GALNT17: variants seen among roughly 807,000 people sequenced by gnomAD.
The protein encoded by GALNT17 is UDP-GalNAc:polypeptide N-acetylgalactosaminyltransferase-like 3.
GALNT17 carries 29 observed loss-of-function variants against 63.7 expected under a neutral mutation model. The ratio of observed to expected loss-of-function variants is 0.46; its 90% CI spans 0.34 to 0.62. GALNT17 has a LOEUF of 0.62. Ranked by LOEUF, GALNT17 falls within the 20% of genes least tolerant of loss-of-function variation. The pLI is 0.01. For synonymous variants in GALNT17, 305 were observed against 318.3 expected (o/e 0.96, Z 0.45); for missense variants, 603 against 799.6 (o/e 0.75, Z 2.97).
intron 5 of GALNT17, among the ~76,000 whole-genome samples, chr7:71,443,232 T>C (rs955482289): frequency 1.3e-5 from 2 of 152,184 alleles, no homozygotes; most frequent in Admixed American, 6.5e-5. Context: ...GTTCTTTGCC[T>C]CCTGCCCCAT....
chr7:71,587,971 T>G (rs1168780142), intron 6 of GALNT17, among the ~76,000 whole-genome samples: 1 of 152,214 alleles, frequency 6.6e-6, no homozygotes, highest in Non-Finnish European at 1.5e-5. Flanking sequence ...CTGTCCTGTC[T>G]TGTTATTTAC....
intron 2 of GALNT17, among the ~76,000 whole-genome samples, chr7:71,344,479 G>T (rs1792056325): frequency 6.6e-6 from 1 of 152,122 alleles, no homozygotes; most frequent in Admixed American, 6.5e-5. Context: ...TCATGTTCTA[G>T]CCCTGGGTGG....
At chr7:71,572,143 G>A (rs890616042) in intron 6 of GALNT17, among the ~76,000 whole-genome samples, 2 of 151,708 alleles carry the variant, frequency 1.3e-5, no homozygotes, top group African/African-American at 4.8e-5. Context: ...TTGGGAAGCC[G>A]AGTCAGGAGG....
intron 5 of GALNT17, among the ~76,000 whole-genome samples, chr7:71,455,280 G>A (rs1308895211): frequency 6.6e-6 from 1 of 152,042 alleles, no homozygotes; most frequent in Non-Finnish European, 1.5e-5. Context: ...TGAAAGGGCT[G>A]GTTTCTGTTT....
At chr7:71,690,710 G>A (rs73354177) in intron 9 of GALNT17, among the ~76,000 whole-genome samples, 11,895 of 152,242 alleles carry the variant, frequency 0.078, 1,225 homozygotes, top group East Asian at 0.52. Flanking sequence ...TGTGGAAGAA[G>A]TGGATTCCAA....
At chr7:71,542,610 C>T (rs1187898329) in intron 5 of GALNT17, among the ~76,000 whole-genome samples, 2 of 150,118 alleles carry the variant, frequency 1.3e-5, no homozygotes, top group Non-Finnish European at 2.9e-5. Flanking sequence ...ACAGGAGAAT[C>T]GCTTGAACCG....
intron 1 of GALNT17, among the ~76,000 whole-genome samples, chr7:71,187,067 C>T (rs1289803766): frequency 2.0e-5 from 3 of 152,128 alleles, no homozygotes; most frequent in African/African-American, 7.2e-5. Flanking sequence ...TGAGAAGGCA[C>T]TCAAACTGCA....
intron 1 of GALNT17, among the ~76,000 whole-genome samples, chr7:71,174,211 C>T (rs1788595625): frequency 6.6e-6 from 1 of 152,164 alleles, no homozygotes; most frequent in Non-Finnish European, 1.5e-5. Flanking sequence ...CCTGGCAGAT[C>T]TCCAGGGTCA....
intron 5 of GALNT17, among the ~76,000 whole-genome samples, chr7:71,479,879 T>C (rs962134255): frequency 7.2e-5 from 11 of 152,230 alleles, no homozygotes; most frequent in Non-Finnish European, 2.9e-5. Flanking sequence ...GTGCTATTCC[T>C]GTGAAATGGT....
At chr7:71,351,900 T>C (rs1159080268) in intron 2 of GALNT17, among the ~76,000 whole-genome samples, 11 of 152,266 alleles carry the variant, frequency 7.2e-5, no homozygotes, top group African/African-American at 2.6e-4. Context: ...TCATTCTGAA[T>C]GATGTTTGGA....
Position 71,712,230 on chromosome 7 carries a change from G to T in GALNT17, c.*84G>T. The stretch of plus-strand genomic sequence containing the variant: ...TCTGGACCAGCTGCCCTGGCGGAGA[G>T]ACAGCAAGGGGCCGGCAGGTGCTCG... On this transcript the variant is annotated 3_prime_UTR_variant, in exon 11 of 11. Coordinates refer to ENST00000333538, the MANE Select transcript of GALNT17 (RefSeq NM_022479.3). 1.3e-6 allele frequency: 2 copies of T among 1,543,238 alleles called. No homozygotes were observed. Among genetic ancestry groups the T allele is most frequent in the Admixed American group, 4.0e-5 (2 of 49,972 alleles).
intron 3 of GALNT17, among the ~76,000 whole-genome samples, chr7:71,396,428 A>G (rs562536157): frequency 1.3e-5 from 2 of 152,320 alleles, no homozygotes; most frequent in Non-Finnish European, 2.9e-5. Flanking sequence ...AACTTACTGT[A>G]AATATGAGGA....
At chr7:71,148,710 A>G (rs1024290943) in intron 1 of GALNT17, among the ~76,000 whole-genome samples, 2 of 151,906 alleles carry the variant, frequency 1.3e-5, no homozygotes, top group Non-Finnish European at 2.9e-5. Context: ...ACATTTTTAC[A>G]TCTCTGAAAT....
intron 3 of GALNT17, among the ~76,000 whole-genome samples, chr7:71,398,292 TC>T (rs1225262443): frequency 1.3e-5 from 2 of 152,136 alleles, no homozygotes; most frequent in African/African-American, 2.4e-5. Flanking sequence ...TTCTTATTTT[TC>T]TCTGCTATCT....
intron 9 of GALNT17, among the ~76,000 whole-genome samples, chr7:71,680,870 CCTTCCTTCCTTTT>C (rs1791250748): frequency 1.4e-5 from 2 of 146,526 alleles, no homozygotes; most frequent in South Asian, 4.4e-4. Context: ...TTCCTTCCTT[CCTTCCTTCCTTTT>C]CTTCCTTCCT....
At chr7:71,186,064 G>C (rs1330413564) in intron 1 of GALNT17, among the ~76,000 whole-genome samples, 2 of 152,156 alleles carry the variant, frequency 1.3e-5, no homozygotes, top group East Asian at 3.9e-4. Flanking sequence ...TTGTATAACA[G>C]TTGTAAATTA....
At chr7:71,444,400 A>T (rs1258357408) in intron 5 of GALNT17, among the ~76,000 whole-genome samples, 1 of 152,202 alleles carries the variant, frequency 6.6e-6, no homozygotes, top group African/African-American at 2.4e-5. Context: ...ATGTGGCCAC[A>T]CTAAACCATC....
chr7:71,608,971 G>A (rs1204584393), intron 6 of GALNT17, among the ~76,000 whole-genome samples: 2 of 148,272 alleles, frequency 1.3e-5, no homozygotes, highest in Non-Finnish European at 3.0e-5. Context: ...GGTAGCGATG[G>A]GGTCCTGTTT....
chr7:71,243,918 C>A (rs546242427), intron 1 of GALNT17, among the ~76,000 whole-genome samples: 6 of 151,940 alleles, frequency 3.9e-5, no homozygotes, highest in African/African-American at 1.5e-4. Context: ...TTTGTGGAAG[C>A]CAGATTGAAG....
Sources: allele counts gnomAD v4.1 joint callset (sites outside exome capture counted in the v4.1 genomes callset), GRCh38; gene constraint gnomAD v4.1.1; transcripts MANE v1.5; gene names NCBI Gene and HGNC (gene_info 2026-07-23, HGNC 2026-07-21).